The following XPO5 variants were observed in gnomAD, a reference collection of about 807,000 sequenced individuals.
XPO5 encodes exportin-5.
A neutral mutation model predicts 160.6 loss-of-function variants in XPO5; 46 were observed. The ratio of observed to expected loss-of-function variants is 0.29; its 90% CI spans 0.23 to 0.37. The LOEUF (loss-of-function observed/expected upper bound fraction) is 0.37, where lower values mean the gene tolerates loss of function less well. XPO5 is among the 10% of genes least tolerant of loss of function. XPO5 has a pLI of 1.00. For missense variants in XPO5, 1,090 were observed against 1,463.9 expected, an observed-to-expected ratio of 0.74 and a Z score of 4.17; for synonymous variants, 537 against 519.3, an observed-to-expected ratio of 1.03 and a Z score of -0.46.
chr6:43,539,829 T>C, intron 20 of XPO5: 1 of 524,930 alleles, frequency 1.9e-6, no homozygotes, highest in Non-Finnish European at 3.3e-6. Flanking sequence ...GCCTGGAGTT[T>C]TTTGGTCTAA....
chr6:43,562,379 A>T, intron 8 of XPO5, 33 bp from the exon 9 acceptor site: 3 of 1,487,382 alleles, frequency 2.0e-6, no homozygotes, highest in Non-Finnish European at 2.8e-6. Flanking sequence ...ATCACCAACA[A>T]AATTAAAAAG....
At chr6:43,539,523 T>A (rs1794565349) in intron 20 of XPO5, 1 of 1,526,438 alleles carries the variant, frequency 6.6e-7, no homozygotes, top group African/African-American at 1.4e-5. Context: ...GTGACGGGCA[T>A]CCACTCCTTA....
chr6:43,566,611 A>C, intron 7 of XPO5: 1 of 417,308 alleles, frequency 2.4e-6, no homozygotes, highest in South Asian at 1.7e-5. Flanking sequence ...GAGTTCGAGA[A>C]GAGCCTGGCT....
chr6:43,526,941 C>G (rs535315525), intron 26 of XPO5, 194 bp from the exon 27 acceptor site: 8 of 578,598 alleles, frequency 1.4e-5, no homozygotes, highest in African/African-American at 1.3e-4. Flanking sequence ...TTTGGTCCTT[C>G]AAGTTCAACT....
chr6:43,533,848 A>G, intron 21 of XPO5, 59 bp downstream of exon 21: 1 of 1,315,472 alleles, frequency 7.6e-7, no homozygotes, highest in African/African-American at 1.5e-5. Flanking sequence ...ACAACAAAAA[A>G]AGGGGACATC....
In XPO5 at chr6:43,570,691, C is replaced by T. The variant is rs1561887783; in HGVS notation, c.439-7G>A. 2 of 1,589,544 alleles carry T rather than the reference C, an allele frequency of 1.3e-6. No individual in the cohort carries two copies. The highest frequency in any genetic ancestry group is 1.7e-6 in the Non-Finnish European group (2 of 1,169,384). On this transcript the variant is annotated splice_region_variant and splice_polypyrimidine_tract_variant and intron_variant, in intron 4 of 31. Coordinates refer to ENST00000265351, the MANE Select transcript of XPO5 (RefSeq NM_020750.3). ...CCAATTCTGTCTGTGTTTCCTACACCAATAGAAATAAGCTAGTTAAAAACT... is the reference window on the plus strand; with the variant it reads ...CCAATTCTGTCTGTGTTTCCTACACTAATAGAAATAAGCTAGTTAAAAACT...
At chr6:43,551,558 T>C (rs1292843710) in intron 14 of XPO5, 105 bp from the exon 15 acceptor site, 1 of 1,393,900 alleles carries the variant, frequency 7.2e-7, no homozygotes, top group Non-Finnish European at 9.9e-7. Flanking sequence ...GGTCTCATTC[T>C]GTCACCTAGG....
chr6:43,545,621 C>T (rs565492197), intron 20 of XPO5, among the ~76,000 whole-genome samples: 32 of 152,152 alleles, frequency 2.1e-4, no homozygotes, highest in Admixed American at 9.8e-4. Context: ...GCAGAAGAAT[C>T]GCTTAAGCCT....
At chr6:43,565,254 G>C (rs775397981) in intron 8 of XPO5, among the ~76,000 whole-genome samples, 1 of 152,014 alleles carries the variant, frequency 6.6e-6, no homozygotes, top group African/African-American at 2.4e-5. Context: ...AAACACTGTC[G>C]ATTGACAGCT....
chr6:43,533,834 A>AAT, intron 21 of XPO5, 73 bp downstream of exon 21: 1 of 1,215,010 alleles, frequency 8.2e-7, no homozygotes, highest in African/African-American at 1.5e-5. Flanking sequence ...ATGACTCTTA[A>AAT]AAAACAACAA....
At position 43,523,633 on chromosome 6, in the gene XPO5, C is replaced by G. The variant is rs746082254; in HGVS notation, c.*235G>C. The G allele has an allele frequency of 1.3e-6, 1 of 770,004 alleles. No homozygotes were observed. The highest frequency in any genetic ancestry group is 2.3e-6 in the Non-Finnish European group (1 of 425,664). 47.7% of individuals were successfully genotyped at this position (770,004 alleles called of 1,614,324 possible). A position where few individuals can be genotyped will look rare whatever the true frequency, so the allele number is the denominator to read the frequency against. ...GCCAAATCTCCAAGTAGAATGGGAA[C>G]TATCTGGGACATCTAGACAGAATAG... On this transcript the variant is annotated 3_prime_UTR_variant, in exon 32 of 32. Coordinates refer to ENST00000265351, the MANE Select transcript of XPO5 (RefSeq NM_020750.3).
At chr6:43,528,987 G>A in intron 23 of XPO5, 62 bp from the exon 24 acceptor site, 1 of 1,472,892 alleles carries the variant, frequency 6.8e-7, no homozygotes, top group Non-Finnish European at 9.3e-7. Flanking sequence ...GCCAGGTGGT[G>A]GGTTGCACCC....
chr6:43,524,699 T>C, intron 30 of XPO5, 64 bp from the exon 31 acceptor site: 1 of 1,591,886 alleles, frequency 6.3e-7, no homozygotes, highest in East Asian at 2.2e-5. Context: ...CCCCATTTCC[T>C]GCCACACCCA....
In XPO5 at chr6:43,547,648, T is replaced by A; in HGVS notation, c.2120A>T (p.Asp707Val). 6.2e-7 allele frequency: 1 copy of A among 1,614,008 alleles called. No individual in the cohort carries two copies. The highest frequency in any genetic ancestry group is 1.1e-5 in the South Asian group (1 of 91,082). ...GCCACACGGATCCTCCAGGCCTGGG[T>A]CACAGCTCTTCTGATCTGTACCCAC... ...AYVGTDQKSC[D>V]PGLEDPCGLN... Residue 707 changes from aspartate to valine, a missense_variant, in exon 19 of 32, where the codon GAC becomes GTC. Transcript: ENST00000265351.
At chr6:43,538,102 A>G (rs1397780340) in intron 20 of XPO5, among the ~76,000 whole-genome samples, 2 of 142,702 alleles carry the variant, frequency 1.4e-5, no homozygotes, top group African/African-American at 2.7e-5. Context: ...AAAAAAAAAA[A>G]GGCAAGGAAC....
chr6:43,526,046 A>G, intron 27 of XPO5, 125 bp from the exon 28 acceptor site: 1 of 995,226 alleles, frequency 1.0e-6, no homozygotes, highest in African/African-American at 1.6e-5. Flanking sequence ...GCTAAGTAGT[A>G]CTAGGAGCCC....
In XPO5 at chr6:43,573,488, G is replaced by A. The variant is rs1355104677; in HGVS notation, c.219C>T (p.His73=). The A allele has an allele frequency of 1.2e-6, 2 of 1,613,200 alleles. No individual in the cohort carries two copies. The highest frequency in any genetic ancestry group is 1.1e-5 in the South Asian group (1 of 91,072). The change falls in exon 2 of 32, where the codon CAC becomes CAT. Residue 73 remains histidine, a synonymous_variant. Transcript: ENST00000265351. ...GTCCAAGAGCTCCTTACTTGACAAC[G>A]TGTTCCAGGATCTGAAGGCCAAAAT... ...VRHFGLQILE[H]VVKFRWNGMS...
At chr6:43,565,204 G>A (rs1045104069) in intron 8 of XPO5, among the ~76,000 whole-genome samples, 2 of 152,094 alleles carry the variant, frequency 1.3e-5, no homozygotes, top group Non-Finnish European at 2.9e-5. Context: ...TTACAGGTGT[G>A]AGCCACCACA....
At chr6:43,550,459 G>A (rs1582224993) in intron 15 of XPO5, among the ~76,000 whole-genome samples, 1 of 152,062 alleles carries the variant, frequency 6.6e-6, no homozygotes, top group African/African-American at 2.4e-5. Context: ...TCATTTCTCT[G>A]GCTCTTTTTC....
Sources: gnomAD v4.1 joint callset for allele counts (sites outside exome capture counted in the v4.1 genomes callset) on GRCh38, gnomAD v4.1.1 for gene constraint, MANE v1.5 for transcripts, NCBI Gene and HGNC (gene_info 2026-07-23, HGNC 2026-07-21) for gene names.